ZFPM2: variants seen among roughly 807,000 people sequenced by gnomAD.
ZFPM2 encodes zinc finger protein, FOG family member 2.
Under a neutral mutation model 98.6 loss-of-function variants are expected in ZFPM2, and 20 were observed. The observed-to-expected ratio is 0.20, with a 90% CI of 0.14 to 0.29. The LOEUF (loss-of-function observed/expected upper bound fraction) is 0.29. Ranked by LOEUF, ZFPM2 falls within the 10% of genes least tolerant of loss-of-function variation. ZFPM2 has a pLI of 1.00. For missense variants in ZFPM2, 1,310 were observed against 1,388.6 expected (o/e 0.94, Z 0.90); for synonymous variants, 518 against 502.7 (o/e 1.03, Z -0.41).
intron 6 of ZFPM2, among the ~76,000 whole-genome samples, chr8:105,789,276 C>T (rs1318254623): frequency 6.6e-6 from 1 of 152,052 alleles, no homozygotes; most frequent in Non-Finnish European, 1.5e-5. Flanking sequence ...TGATGTTCCC[C>T]TTCCTGTGTC....
chr8:105,617,019 C>T (rs547056002), intron 4 of ZFPM2, among the ~76,000 whole-genome samples: 23 of 15,792 alleles, frequency 1.5e-3, no homozygotes, highest in African/African-American at 5.3e-3. Context: ...GACTCTGTCT[C>T]GAAAAAAAAA....
intron 3 of ZFPM2, among the ~76,000 whole-genome samples, chr8:105,526,756 TA>T (rs1430895480): frequency 4.6e-5 from 7 of 152,152 alleles, no homozygotes; most frequent in Non-Finnish European, 8.8e-5. Flanking sequence ...CCTAATTCCA[TA>T]AAAGTATGAT....
At chr8:105,339,468 G>A (rs532880769) in intron 1 of ZFPM2, among the ~76,000 whole-genome samples, 43 of 152,036 alleles carry the variant, frequency 2.8e-4, no homozygotes, top group African/African-American at 9.2e-4. Flanking sequence ...AATGGAGGCT[G>A]AGAGAAGTGT....
chr8:105,755,375 T>G (rs1404769493), intron 5 of ZFPM2, among the ~76,000 whole-genome samples: 1 of 152,132 alleles, frequency 6.6e-6, no homozygotes, highest in Non-Finnish European at 1.5e-5. Context: ...CTATGGAGAA[T>G]ATATTTTAAT....
At chr8:105,666,251 A>G (rs4734885) in intron 5 of ZFPM2, among the ~76,000 whole-genome samples, 40,408 of 152,068 alleles carry the variant, frequency 0.27, 6,526 homozygotes, top group African/African-American at 0.46. Context: ...TTTAGCAAAG[A>G]AAGAAATTAA....
intron 2 of ZFPM2, among the ~76,000 whole-genome samples, chr8:105,426,765 G>C (rs1233957712): frequency 6.7e-6 from 1 of 150,126 alleles, no homozygotes; most frequent in Non-Finnish European, 1.5e-5. Flanking sequence ...GGTCAACATG[G>C]TGAAATCCCA....
At chr8:105,532,669 A>G (rs1197900678) in intron 3 of ZFPM2, among the ~76,000 whole-genome samples, 3 of 152,192 alleles carry the variant, frequency 2.0e-5, no homozygotes, top group Admixed American at 6.6e-5. Flanking sequence ...AGATGCAACA[A>G]CGTTGACAAA....
chr8:105,720,859 A>G (rs1329435059), intron 5 of ZFPM2, among the ~76,000 whole-genome samples: 1 of 151,926 alleles, frequency 6.6e-6, no homozygotes, highest in African/African-American at 2.4e-5. Flanking sequence ...CCCACTTGGG[A>G]GAGGAGATGC....
intron 5 of ZFPM2, among the ~76,000 whole-genome samples, chr8:105,783,705 C>T (rs1813329659): frequency 6.6e-6 from 1 of 152,130 alleles, no homozygotes; most frequent in Non-Finnish European, 1.5e-5. Flanking sequence ...CATGTTGTAG[C>T]ATATGTCAGA....
chr8:105,680,021 C>T (rs1370936592), intron 5 of ZFPM2, among the ~76,000 whole-genome samples: 2 of 152,030 alleles, frequency 1.3e-5, no homozygotes, highest in East Asian at 3.9e-4. Flanking sequence ...GATTTGTTCT[C>T]CACATTTTGT....
chr8:105,634,061 G>A (rs937081270), intron 4 of ZFPM2, among the ~76,000 whole-genome samples, 185 bp from the exon 5 acceptor site: 2 of 152,012 alleles, frequency 1.3e-5, no homozygotes, highest in East Asian at 3.9e-4. Flanking sequence ...TCAGATTAGT[G>A]AAAGCAGTAA....
chr8:105,401,764 A>G (rs1811346437), intron 1 of ZFPM2, among the ~76,000 whole-genome samples: 1 of 152,156 alleles, frequency 6.6e-6, no homozygotes, highest in African/African-American at 2.4e-5. Context: ...TTTTTTAAAT[A>G]GTTGTCTTTA....
intron 5 of ZFPM2, among the ~76,000 whole-genome samples, chr8:105,642,339 C>T (rs1816963456): frequency 6.6e-6 from 1 of 152,112 alleles, no homozygotes; most frequent in East Asian, 1.9e-4. Context: ...AAAGATATTT[C>T]TGTTAAAGTG....
rs139182826 is a variant in ZFPM2 at position 105,403,838 on chromosome 8, G to A, written c.41-15306G>A. ...CGTGCAGCGTCTAGCGTGATTCCTG[G>A]CCAGGCACAGATAGATACTCAGTTC... On this transcript the variant is annotated intron_variant, in intron 1 of 7. Transcript: ENST00000407775. Among the ~76,000 whole-genome samples the A allele has an allele frequency of 4.0e-5, 6 of 151,888 alleles. No homozygotes were observed. In the East Asian group the frequency reaches 9.7e-4, roughly 24 times the overall value.
At chr8:105,764,586 T>A (rs943705161) in intron 5 of ZFPM2, among the ~76,000 whole-genome samples, 2 of 151,858 alleles carry the variant, frequency 1.3e-5, no homozygotes, top group Admixed American at 6.6e-5. Context: ...ATAAGTTTGA[T>A]TGTATTCAAG....
chr8:105,653,031 G>A (rs1817211492), intron 5 of ZFPM2, among the ~76,000 whole-genome samples: 2 of 152,146 alleles, frequency 1.3e-5, no homozygotes, highest in South Asian at 4.1e-4. Flanking sequence ...CCCTGTGGAA[G>A]CAAATAATGT....
rs760195640 is a variant in ZFPM2, at chr8:105,561,364, A to G, written c.303A>G (p.Gly101=). ...GVETDDWDGP[G]ELEVFQKDGE... ...ACACTTCTGTTCCTTTGTCTGCAGG[A>G]GAGCTGGAGGTGTTTCAGAAAGATG... Residue 101 remains glycine, a splice_region_variant and synonymous_variant, in exon 4 of 8, where the codon GGA becomes GGG. Transcript: ENST00000407775. 1 of 1,612,746 alleles carries G rather than the reference A, an allele frequency of 6.2e-7. No homozygotes were observed.
chr8:105,507,460 C>A (rs1474297094), intron 3 of ZFPM2, among the ~76,000 whole-genome samples: 3 of 152,192 alleles, frequency 2.0e-5, no homozygotes, highest in Non-Finnish European at 4.4e-5. Context: ...TGATTATGGG[C>A]AAGTCACTTA....
At chr8:105,795,246 T>TTGTGTGTGTGTGTGTGTGTG (rs780534248) in intron 6 of ZFPM2, among the ~76,000 whole-genome samples, 15 of 138,226 alleles carry the variant, frequency 1.1e-4, no homozygotes, top group Admixed American at 1.4e-4. Context: ...CATTTTATCT[T>TTGTGTGTGTGTGTGTGTGTG]TGTGTGTGTG....
Sources: gnomAD v4.1 joint callset for allele counts (sites outside exome capture counted in the v4.1 genomes callset) on GRCh38, gnomAD v4.1.1 for gene constraint, MANE v1.5 for transcripts, NCBI Gene and HGNC (gene_info 2026-07-23, HGNC 2026-07-21) for gene names.